The following WWC1 variants were observed in gnomAD, a reference collection of about 807,000 sequenced individuals.
WWC1 encodes WW and C2 domain containing 1.
In WWC1, 55 loss-of-function variants were observed where a neutral mutation model predicts 138.4. The observed-to-expected ratio is 0.40, with a 90% CI of 0.32 to 0.50. The LOEUF (loss-of-function observed/expected upper bound fraction) is 0.50, where lower values mean the gene tolerates loss of function less well. Ranked by LOEUF, WWC1 falls within the 20% of genes least tolerant of loss-of-function variation. The pLI, the probability that WWC1 is intolerant of heterozygous loss-of-function variation, is 0.72. For missense variants in WWC1, 1,226 were observed against 1,420.4 expected, an observed-to-expected ratio of 0.86 and a Z score of 2.20; for synonymous variants, 524 against 564.9, an observed-to-expected ratio of 0.93 and a Z score of 1.03.
intron 1 of WWC1, among the ~76,000 whole-genome samples, chr5:168,339,720 G>A (rs1237904634): frequency 6.6e-6 from 1 of 152,164 alleles, no homozygotes; most frequent in African/African-American, 2.4e-5. Context: ...TACTTACATA[G>A]TCTAGGTAAC....
intron 9 of WWC1, among the ~76,000 whole-genome samples, chr5:168,419,909 T>TC (rs1444312005): frequency 6.6e-6 from 1 of 152,164 alleles, no homozygotes; most frequent in Non-Finnish European, 1.5e-5. Context: ...AGGATTTGTC[T>TC]CCAGGGAGAT....
intron 18 of WWC1, 60 bp from the exon 19 acceptor site, chr5:168,455,296 C>G: frequency 4.6e-6 from 7 of 1,516,582 alleles, no homozygotes; most frequent in Non-Finnish European, 6.2e-6. Context: ...TGAGTGGTCT[C>G]TGGTGGGTGG....
At chr5:168,327,023 G>C (rs774176973) in intron 1 of WWC1, among the ~76,000 whole-genome samples, 2 of 152,136 alleles carry the variant, frequency 1.3e-5, no homozygotes, top group African/African-American at 2.4e-5. Flanking sequence ...TCTGAGTTAA[G>C]GTGTCATTTC....
At chr5:168,320,825 A>G (rs1307281835) in intron 1 of WWC1, among the ~76,000 whole-genome samples, 1 of 152,106 alleles carries the variant, frequency 6.6e-6, no homozygotes, top group Non-Finnish European at 1.5e-5. Context: ...TTTCTGTCCG[A>G]TGTCCCTCCT....
At chr5:168,423,319 C>G (rs757884246) in intron 10 of WWC1, among the ~76,000 whole-genome samples, 25 of 152,092 alleles carry the variant, frequency 1.6e-4, no homozygotes, top group Non-Finnish European at 2.9e-4. Context: ...TTTAAGGCAG[C>G]TATAACTTGA....
chr5:168,322,111 G>C (rs1772163642), intron 1 of WWC1, among the ~76,000 whole-genome samples: 1 of 152,122 alleles, frequency 6.6e-6, no homozygotes, highest in African/African-American at 2.4e-5. Context: ...GAATACAGTG[G>C]AGTTTTCTGT....
chr5:168,431,578 T>G, intron 15 of WWC1, 134 bp downstream of exon 15: 1 of 1,007,284 alleles, frequency 9.9e-7, no homozygotes, highest in Non-Finnish European at 1.4e-6. Context: ...ACGCAGGTTG[T>G]GCTATCAATC....
intron 5 of WWC1, among the ~76,000 whole-genome samples, chr5:168,403,274 T>C (rs1353575030): frequency 1.3e-5 from 2 of 151,934 alleles, no homozygotes; most frequent in Non-Finnish European, 2.9e-5. Flanking sequence ...ATTTTTTGTA[T>C]TTTTAGTAGA....
intron 1 of WWC1, among the ~76,000 whole-genome samples, chr5:168,296,922 C>A (rs1769587952): frequency 6.6e-6 from 1 of 152,216 alleles, no homozygotes; most frequent in Non-Finnish European, 1.5e-5. Flanking sequence ...CCAAAACAGG[C>A]ATGATTTCAC....
intron 5 of WWC1, among the ~76,000 whole-genome samples, chr5:168,403,897 C>CACAT (rs1204929839): frequency 6.6e-6 from 1 of 151,072 alleles, no homozygotes; most frequent in African/African-American, 2.5e-5. Context: ...CACACACACA[C>CACAT]ACACACACAC....
chr5:168,326,186 A>G (rs1772516335), intron 1 of WWC1, among the ~76,000 whole-genome samples: 1 of 148,992 alleles, frequency 6.7e-6, no homozygotes, highest in East Asian at 1.9e-4. Flanking sequence ...GGGGATAGGA[A>G]TTAGTGGCTC....
chr5:168,345,887 G>T (rs1370943520), intron 1 of WWC1, among the ~76,000 whole-genome samples: 1 of 152,154 alleles, frequency 6.6e-6, no homozygotes, highest in Non-Finnish European at 1.5e-5. Flanking sequence ...AGTCAGAGTG[G>T]CTGGGTTAGA....
intron 5 of WWC1, among the ~76,000 whole-genome samples, chr5:168,405,729 T>TC (rs1779732696): frequency 6.6e-6 from 1 of 151,130 alleles, no homozygotes; most frequent in African/African-American, 2.4e-5. Flanking sequence ...TTTCTTTCTT[T>TC]CTTTTTTTTT....
chr5:168,352,709 A>G (rs1316737176), intron 1 of WWC1, among the ~76,000 whole-genome samples: 1 of 151,754 alleles, frequency 6.6e-6, no homozygotes, highest in East Asian at 1.9e-4. Flanking sequence ...TTAGCCTCCA[A>G]AGTAGTTGGG....
chr5:168,468,965 T>C lies in WWC1; in HGVS notation c.3290T>C (p.Phe1097Ser). The C allele has an allele frequency of 6.2e-7, 1 of 1,614,232 alleles. No individual in the cohort carries two copies. Among genetic ancestry groups the C allele is most frequent in the Non-Finnish European group, 8.5e-7 (1 of 1,180,032 alleles). The stretch of plus-strand genomic sequence containing the variant: ...CTCTCTTATAGGGAGAAGATGGCAT[T>C]TTTCACCCGGCCTCGGATGAATATC... ...EVQSFREKMA[F>S]FTRPRMNIPA... The change falls in exon 23 of 23, where the codon TTT becomes TCT. Residue 1097 changes from phenylalanine to serine, a missense_variant. Around this residue, in one of 3 missense-constraint regions of WWC1, gnomAD observed 206 missense variants for 247.4 expected, o/e 0.83. Transcript: ENST00000265293.
chr5:168,393,736 A>C (rs1043799318), intron 3 of WWC1, among the ~76,000 whole-genome samples: 2 of 152,190 alleles, frequency 1.3e-5, no homozygotes, highest in Non-Finnish European at 2.9e-5. Flanking sequence ...AAGCCAGCCG[A>C]ACACAGAGAG....
intron 20 of WWC1, among the ~76,000 whole-genome samples, chr5:168,461,536 G>A (rs539092365): frequency 6.6e-6 from 1 of 152,310 alleles, no homozygotes; most frequent in African/African-American, 2.4e-5. Context: ...CCACAGGGAA[G>A]AGGCTGCAGA....
At chr5:168,323,879 G>A (rs1772325026) in intron 1 of WWC1, among the ~76,000 whole-genome samples, 2 of 152,044 alleles carry the variant, frequency 1.3e-5, no homozygotes, top group South Asian at 4.2e-4. Context: ...AATCATCAGG[G>A]AATAACACAC....
intron 1 of WWC1, among the ~76,000 whole-genome samples, chr5:168,298,235 C>T (rs904996088): frequency 3.9e-5 from 6 of 151,998 alleles, no homozygotes; most frequent in Middle Eastern, 3.2e-3. Flanking sequence ...GACAGGGATT[C>T]ACCATGTTGG....
Sources: gnomAD v4.1 joint callset for allele counts (sites outside exome capture counted in the v4.1 genomes callset) on GRCh38, gnomAD v4.1.1 for gene constraint, gnomAD v4.1.1 regional missense constraint, MANE v1.5 for transcripts, NCBI Gene and HGNC (gene_info 2026-07-23, HGNC 2026-07-21) for gene names.